Variants in PRMT8 observed in about 807,000 individuals in gnomAD.
PRMT8 encodes protein arginine methyltransferase 8, also known as protein arginine N-methyltransferase 8.
In PRMT8, 7 loss-of-function variants were observed where a neutral mutation model predicts 47.1. That is an observed-to-expected ratio of 0.15 (90% CI 0.08 to 0.28). The LOEUF (loss-of-function observed/expected upper bound fraction) is 0.28, where lower values mean the gene tolerates loss of function less well. Among genes scored for constraint, PRMT8 ranks in the 10% least tolerant of loss-of-function variants. The pLI is 1.00. For synonymous variants in PRMT8, 188 were observed against 186.5 expected (o/e 1.01, Z -0.07); for missense variants, 237 against 505.4 (o/e 0.47, Z 5.09).
At chr12:3,470,949 C>T (rs1275183345) in intron 1 of PRMT8, among the ~76,000 whole-genome samples, 1 of 152,212 alleles carries the variant, frequency 6.6e-6, no homozygotes, top group Non-Finnish European at 1.5e-5. Flanking sequence ...GGACGACTCC[C>T]ACTCTGACAG....
chr12:3,417,178 TA>T, intron 1 of PRMT8, among the ~76,000 whole-genome samples: 1 of 152,238 alleles, frequency 6.6e-6, no homozygotes, highest in Non-Finnish European at 1.5e-5. Context: ...GTGGAGTTCG[TA>T]AATTTTGGAG....
rs1413621311 is a variant in PRMT8, at chr12:3,552,995, T to C, written c.418-656T>C. On this transcript the variant is annotated intron_variant, in intron 3 of 9. Coordinates refer to ENST00000382622, the MANE Select transcript of PRMT8 (RefSeq NM_019854.5). The surrounding 1 kb of genome is among the most constrained non-coding windows in gnomAD (Gnocchi z 4.5). ...GGAGCTTGGCTTCCAACCATTCCCA[T>C]GAGGGCCTGCTCTCAGGGAAGGTCC... The C allele has an allele frequency of 6.3e-6, 2 of 317,994 alleles. No homozygotes were observed. The highest frequency in any genetic ancestry group is 6.3e-6 in the Non-Finnish European group (1 of 158,196). 19.7% of individuals were successfully genotyped at this position (317,994 alleles called of 1,614,324 possible).
intron 1 of PRMT8, among the ~76,000 whole-genome samples, chr12:3,533,225 A>G (rs543736789): frequency 6.6e-6 from 1 of 152,244 alleles, no homozygotes; most frequent in Non-Finnish European, 1.5e-5. Context: ...GTCTGTGCCT[A>G]CGAAGCCAAG....
intron 1 of PRMT8, among the ~76,000 whole-genome samples, chr12:3,528,700 C>G (rs535732637): frequency 6.6e-6 from 1 of 151,834 alleles, no homozygotes; most frequent in South Asian, 2.1e-4. Flanking sequence ...CTTTGCAAGC[C>G]TAGTAATTTT....
chr12:3,507,223 G>C (rs1242547151), intron 1 of PRMT8, among the ~76,000 whole-genome samples: 2 of 148,156 alleles, frequency 1.3e-5, no homozygotes, highest in Non-Finnish European at 1.5e-5. Flanking sequence ...CCGGGTTCAC[G>C]CCATTCTCCT....
intron 2 of PRMT8, among the ~76,000 whole-genome samples, chr12:3,544,330 A>G (rs1866287454): frequency 6.6e-6 from 1 of 152,178 alleles, no homozygotes; most frequent in African/African-American, 2.4e-5. Flanking sequence ...CTTCCAACCT[A>G]ACTCCTGGGG....
rs1390796677 is a variant in PRMT8 at position 3,552,752 on chromosome 12, C to T, written c.418-899C>T. The T allele has an allele frequency of 2.1e-6, 1 of 481,196 alleles. No homozygotes were observed. The highest frequency in any genetic ancestry group is 4.2e-6 in the Non-Finnish European group (1 of 240,196). 29.8% of individuals were successfully genotyped at this position (481,196 alleles called of 1,614,324 possible). ...TGGCCAGAGGCGTCAGAAACTCCCT[C>T]AGTGCCCCTTTGCGAGTACTTCTCA... On this transcript the variant is annotated intron_variant, in intron 3 of 9. Coordinates refer to ENST00000382622, the MANE Select transcript of PRMT8 (RefSeq NM_019854.5). The surrounding 1 kb of genome is among the most constrained non-coding windows in gnomAD (Gnocchi z 4.5).
chr12:3,478,439 A>T (rs1389573444), intron 1 of PRMT8, among the ~76,000 whole-genome samples: 1 of 152,198 alleles, frequency 6.6e-6, no homozygotes, highest in African/African-American at 2.4e-5. Context: ...TTCTGAAGGA[A>T]GCCATGGTTC....
At chr12:3,414,605 T>C (rs1565401909) in intron 1 of PRMT8, among the ~76,000 whole-genome samples, 1 of 152,138 alleles carries the variant, frequency 6.6e-6, no homozygotes, top group Non-Finnish European at 1.5e-5. Flanking sequence ...AAGCCCCTGC[T>C]CCCTCAATAT....
At chr12:3,521,574 CAAAA>C (rs372722198) in intron 1 of PRMT8, among the ~76,000 whole-genome samples, 1 of 151,040 alleles carries the variant, frequency 6.6e-6, no homozygotes, top group Non-Finnish European at 1.5e-5. Flanking sequence ...AACTCCGTCT[CAAAA>C]AAAACAAAAA....
At chr12:3,437,144 A>G (rs1402815720) in intron 1 of PRMT8, among the ~76,000 whole-genome samples, 1 of 152,126 alleles carries the variant, frequency 6.6e-6, no homozygotes, top group East Asian at 1.9e-4. Context: ...AGGCTTCCAC[A>G]AGTTTTTGAT....
chr12:3,513,322 A>G (rs569619054), intron 1 of PRMT8, among the ~76,000 whole-genome samples: 1 of 152,210 alleles, frequency 6.6e-6, no homozygotes, highest in Middle Eastern at 3.4e-3. Flanking sequence ...CTCTTTGCAG[A>G]CCCCTGACAC....
intron 1 of PRMT8, among the ~76,000 whole-genome samples, chr12:3,477,118 A>G (rs1357220358): frequency 2.0e-5 from 3 of 152,184 alleles, no homozygotes; most frequent in African/African-American, 7.2e-5. Context: ...AGACCAACTG[A>G]CGCTCTTGAA....
At chr12:3,523,459 A>G (rs745838558) in intron 1 of PRMT8, among the ~76,000 whole-genome samples, 15 of 152,250 alleles carry the variant, frequency 9.9e-5, no homozygotes, top group Admixed American at 3.9e-4. Flanking sequence ...CCCCAAGCCC[A>G]CCCAGGATTA....
chr12:3,387,249 A>G (rs372685759), intron 1 of PRMT8, among the ~76,000 whole-genome samples: 1 of 152,236 alleles, frequency 6.6e-6, no homozygotes. Flanking sequence ...CACAGCAACA[A>G]TAATTTCATC....
intron 1 of PRMT8, among the ~76,000 whole-genome samples, chr12:3,513,273 T>A (rs1305660169): frequency 6.6e-6 from 1 of 152,196 alleles, no homozygotes; most frequent in Non-Finnish European, 1.5e-5. Context: ...CCTCTTTCCC[T>A]CAGGACAAAG....
intron 1 of PRMT8, among the ~76,000 whole-genome samples, chr12:3,444,351 C>T (rs976910653): frequency 1.3e-5 from 2 of 152,190 alleles, no homozygotes; most frequent in Non-Finnish European, 2.9e-5. Flanking sequence ...ACCTCTAAGG[C>T]AAGCAGGAAG....
intron 1 of PRMT8, among the ~76,000 whole-genome samples, chr12:3,477,015 G>A (rs754188196): frequency 9.9e-5 from 15 of 152,198 alleles, no homozygotes; most frequent in Non-Finnish European, 2.1e-4. Flanking sequence ...AGCCTGGAGT[G>A]TGATTGACTA....
intron 1 of PRMT8, among the ~76,000 whole-genome samples, chr12:3,497,252 T>C (rs1254048094): frequency 1.3e-5 from 2 of 152,198 alleles, no homozygotes; most frequent in African/African-American, 4.8e-5. Flanking sequence ...AGTAACAAGA[T>C]AGAGTGAGCA....
Sources: allele counts gnomAD v4.1 joint callset (sites outside exome capture counted in the v4.1 genomes callset), GRCh38; gene constraint gnomAD v4.1.1; non-coding constraint Gnocchi (gnomAD v3.1); transcripts MANE v1.5; gene names NCBI Gene and HGNC (gene_info 2026-07-23, HGNC 2026-07-21).